BCKDHB: variants seen among roughly 807,000 people sequenced by gnomAD.
BCKDHB encodes 2-oxoisovalerate dehydrogenase subunit beta, mitochondrial.
Under a neutral mutation model 48.5 loss-of-function variants are expected in BCKDHB, and 41 were observed. The observed-to-expected ratio is 0.85, with a 90% CI of 0.66 to 1.10. BCKDHB has a LOEUF of 1.10. Among genes scored for constraint, BCKDHB ranks in the 50% least tolerant of loss-of-function variants. The pLI is 0.00. For missense variants in BCKDHB, 496 were observed against 494.2 expected (o/e 1.00, Z -0.03); for synonymous variants, 201 against 174.8 (o/e 1.15, Z -1.18).
the BCKDHB span, among the ~76,000 whole-genome samples, chr6:80,435,667 T>G: frequency 6.6e-6 from 1 of 152,324 alleles, no homozygotes; most frequent in African/African-American, 2.4e-5. Flanking sequence ...AAACCTGGGC[T>G]GACACTGTGA....
intron 3 of BCKDHB, among the ~76,000 whole-genome samples, chr6:80,130,979 T>C (rs73479922): frequency 0.012 from 1,756 of 152,298 alleles, 34 homozygotes; most frequent in African/African-American, 0.04. Flanking sequence ...TTCAACTCAC[T>C]GCGTCAGGTA....
rs530883865 is a variant in BCKDHB at position 80,210,807 on chromosome 6, G to C, written c.951+7595G>C. ...ATGTGAAACAGGAGCTCATAAGTAG[G>C]GCTGTTCTCTCTCAAGCCTTCCCAG... On this transcript the variant is annotated intron_variant, in intron 8 of 9. Transcript: ENST00000320393. Among the ~76,000 whole-genome samples the C allele has an allele frequency of 8.5e-5, 13 of 152,174 alleles. No homozygotes were observed. The South Asian group carries it at 2.7e-3, about 32-fold the overall frequency.
the BCKDHB span, among the ~76,000 whole-genome samples, chr6:80,392,543 G>A: frequency 3.3e-5 from 5 of 151,670 alleles, no homozygotes; most frequent in East Asian, 7.7e-4. Context: ...GCAAGAGTTT[G>A]TATGCTCCTT....
At chr6:80,170,712 C>T (rs1328409552) in intron 5 of BCKDHB, among the ~76,000 whole-genome samples, 1 of 152,120 alleles carries the variant, frequency 6.6e-6, no homozygotes, top group East Asian at 1.9e-4. Flanking sequence ...GAGCCCTTTC[C>T]TGTGAGTGGA....
the BCKDHB span, among the ~76,000 whole-genome samples, chr6:80,430,081 T>C: frequency 2.9e-4 from 44 of 152,364 alleles, no homozygotes; most frequent in Admixed American, 1.6e-3. Flanking sequence ...TGAAGGGCTG[T>C]TGAATTTTGT....
intron 9 of BCKDHB, among the ~76,000 whole-genome samples, chr6:80,306,800 T>C (rs1405821864): frequency 6.6e-6 from 1 of 152,198 alleles, no homozygotes; most frequent in Non-Finnish European, 1.5e-5. Context: ...TCATTTCCTT[T>C]ATCCTGACCC....
intron 6 of BCKDHB, among the ~76,000 whole-genome samples, chr6:80,179,238 A>G (rs141797384): frequency 1.3e-5 from 2 of 152,068 alleles, no homozygotes; most frequent in East Asian, 3.9e-4. Flanking sequence ...TCAATTTTTG[A>G]GTTTCTCCAT....
At chr6:80,374,638 C>T in the BCKDHB span, 1 of 500,262 alleles carries the variant, frequency 2.0e-6, no homozygotes, top group Non-Finnish European at 3.7e-6. Flanking sequence ...GCATTTAGGC[C>T]ATTTACATTC....
At position 80,112,718 on chromosome 6, in the gene BCKDHB, C is replaced by T. The variant is rs112104153; in HGVS notation, c.196+5829C>T. Among the ~76,000 whole-genome samples, 143 of 152,330 alleles carry T rather than the reference C, an allele frequency of 9.4e-4. 1 individual carries two copies. Among genetic ancestry groups the T allele is most frequent in the African/African-American group, 3.3e-3 (138 of 41,580 alleles). The stretch of plus-strand genomic sequence containing the variant: ...TAGACCTCAGAACCTCTGCCGAGGG[C>T]GTCCCCTTTGGAGAGGTTCAGGTCT... On this transcript the variant is annotated intron_variant, in intron 1 of 9. Coordinates refer to ENST00000320393, the MANE Select transcript of BCKDHB (RefSeq NM_183050.4).
the BCKDHB span, among the ~76,000 whole-genome samples, chr6:80,392,369 T>TTCTTA: frequency 2.9e-3 from 441 of 152,090 alleles, 2 homozygotes; most frequent in African/African-American, 0.01. Context: ...TGTATTTTTT[T>TTCTTA]TTTATTTATT....
At chr6:80,339,301 G>A (rs540730051) in intron 9 of BCKDHB, among the ~76,000 whole-genome samples, 3 of 152,172 alleles carry the variant, frequency 2.0e-5, no homozygotes, top group African/African-American at 4.8e-5. Context: ...ACTTAAAACC[G>A]TAATGGATCT....
At chr6:80,246,061 G>A (rs1006810149) in intron 8 of BCKDHB, among the ~76,000 whole-genome samples, 10 of 152,170 alleles carry the variant, frequency 6.6e-5, no homozygotes, top group Admixed American at 2.6e-4. Flanking sequence ...GTGTGACAGA[G>A]TGAGACCCTA....
At chr6:80,452,389 A>C in the BCKDHB span, among the ~76,000 whole-genome samples, 2 of 152,232 alleles carry the variant, frequency 1.3e-5, no homozygotes, top group Non-Finnish European at 2.9e-5. Context: ...GGTAACCTTC[A>C]TAACAGAAAT....
chr6:80,414,148 ATTTGT>A, the BCKDHB span, among the ~76,000 whole-genome samples: 2 of 151,080 alleles, frequency 1.3e-5, no homozygotes, highest in Non-Finnish European at 3.0e-5. Flanking sequence ...TAATGGGGTT[ATTTGT>A]TTTTTCTTGT....
At chr6:80,373,567 C>G in the BCKDHB span, among the ~76,000 whole-genome samples, 1 of 152,040 alleles carries the variant, frequency 6.6e-6, no homozygotes, top group Admixed American at 6.6e-5. Context: ...CTCTTTCAGA[C>G]TTTTTGATGT....
At chr6:80,411,689 A>T in the BCKDHB span, among the ~76,000 whole-genome samples, 2,455 of 152,214 alleles carry the variant, frequency 0.016, 78 homozygotes, top group African/African-American at 0.055. Flanking sequence ...CCCTCCCCCC[A>T]TCAGGCTGCA....
chr6:80,342,965 C>T (rs894614974), intron 9 of BCKDHB, among the ~76,000 whole-genome samples: 6 of 152,234 alleles, frequency 3.9e-5, no homozygotes, highest in Non-Finnish European at 7.4e-5. Context: ...TGGATTATGC[C>T]GAGTTCGGTG....
chr6:80,374,159 G>C, the BCKDHB span: 1 of 716,278 alleles, frequency 1.4e-6, no homozygotes, highest in Admixed American at 1.7e-5. Context: ...TCATGTATGG[G>C]TTAATCCGAC....
At chr6:80,436,142 C>CTTTTTTT in the BCKDHB span, among the ~76,000 whole-genome samples, 1 of 47,106 alleles carries the variant, frequency 2.1e-5, no homozygotes, top group Admixed American at 2.6e-4. Flanking sequence ...CTGAAAAATT[C>CTTTTTTT]TTTTCTTTTT....
Sources: gnomAD v4.1 joint callset for allele counts (sites outside exome capture counted in the v4.1 genomes callset) on GRCh38, gnomAD v4.1.1 for gene constraint, MANE v1.5 for transcripts, NCBI Gene and HGNC (gene_info 2026-07-23, HGNC 2026-07-21) for gene names.